The following WDR49 variants were observed in gnomAD, a reference collection of about 807,000 sequenced individuals.
WDR49 encodes the protein cilia- and flagella-associated protein 337.
In WDR49, 107 loss-of-function variants were observed where a neutral mutation model predicts 119.5. The ratio of observed to expected loss-of-function variants is 0.90; its 90% confidence interval spans 0.77 to 1.05. WDR49 has a LOEUF of 1.05. Ranked by LOEUF, WDR49 falls within the 50% of genes least tolerant of loss-of-function variation. WDR49 has a pLI of 0.00. For missense variants in WDR49, 1,240 were observed against 1,220.5 expected (o/e 1.02, Z -0.24); for synonymous variants, 425 against 418.8 (o/e 1.01, Z -0.18).
intron 18 of WDR49, among the ~76,000 whole-genome samples, chr3:167,483,294 G>A (rs1215172630): frequency 6.6e-6 from 1 of 152,130 alleles, no homozygotes; most frequent in Admixed American, 6.5e-5. Context: ...GAATGCCTTT[G>A]AGCCCTTCTG....
intron 2 of WDR49, among the ~76,000 whole-genome samples, chr3:167,634,800 T>G (rs960371623): frequency 1.3e-5 from 2 of 151,856 alleles, no homozygotes; most frequent in East Asian, 3.9e-4. Context: ...CACAAAAGAA[T>G]CCATGCTTAT....
intron 2 of WDR49, among the ~76,000 whole-genome samples, chr3:167,644,056 C>A (rs1437035876): frequency 7.4e-6 from 1 of 134,422 alleles, no homozygotes; most frequent in Non-Finnish European, 1.6e-5. Flanking sequence ...CCAATCCCCA[C>A]CTTTTTTTTT....
At chr3:167,524,839 T>C (rs1255849064) in intron 15 of WDR49, among the ~76,000 whole-genome samples, 1 of 152,184 alleles carries the variant, frequency 6.6e-6, no homozygotes. Context: ...TCAGGTAGCA[T>C]GATGTCTCCA....
intron 2 of WDR49, among the ~76,000 whole-genome samples, chr3:167,641,290 G>T (rs530873891): frequency 6.6e-6 from 1 of 151,982 alleles, no homozygotes; most frequent in South Asian, 2.1e-4. Context: ...AAGAACATTT[G>T]CTTTCCTTGG....
rs190320744 is a variant in WDR49 at position 167,636,501 on chromosome 3, A to G, written c.166-9209T>C. ...TATAATGACTTCTTTTCCTCTGGGTAGATATCCAGTAGTGGGATTGCTGGA... is the reference window on the plus strand; with the variant it reads ...TATAATGACTTCTTTTCCTCTGGGTGGATATCCAGTAGTGGGATTGCTGGA... On this transcript the variant is annotated intron_variant, in intron 2 of 18. Coordinates refer to ENST00000682715, the MANE Select transcript of WDR49 (RefSeq NM_001366157.1). 2.2e-3 allele frequency among the ~76,000 whole-genome samples: 341 copies of G among 151,862 alleles called. 1 individual carries two copies. The highest frequency in any genetic ancestry group is 7.7e-3 in the African/African-American group (320 of 41,496).
At chr3:167,488,869 T>C (rs1577192141) in intron 18 of WDR49, among the ~76,000 whole-genome samples, 1 of 152,108 alleles carries the variant, frequency 6.6e-6, no homozygotes, top group Non-Finnish European at 1.5e-5. Flanking sequence ...AATGGTGACC[T>C]CTTTTCTGTC....
At chr3:167,482,634 G>A (rs1032558990) in intron 18 of WDR49, among the ~76,000 whole-genome samples, 7 of 150,168 alleles carry the variant, frequency 4.7e-5, no homozygotes, top group Middle Eastern at 3.5e-3. Flanking sequence ...AGTTGAGATC[G>A]TGCCATTGCA....
intron 2 of WDR49, among the ~76,000 whole-genome samples, chr3:167,643,296 G>A (rs1717967221): frequency 6.6e-6 from 1 of 152,026 alleles, no homozygotes; most frequent in Admixed American, 6.6e-5. Flanking sequence ...TACAAGAGGT[G>A]GAGATAACTA....
At chr3:167,482,167 A>T (rs560735275) in intron 18 of WDR49, among the ~76,000 whole-genome samples, 17 of 152,296 alleles carry the variant, frequency 1.1e-4, no homozygotes, top group African/African-American at 3.8e-4. Flanking sequence ...AAAAGGAGAA[A>T]AGTATCTTGC....
rs759426749 is a variant in WDR49, at chr3:167,560,085, G to T, written c.1653C>A (p.Gly551=). The part of the protein sequence containing the change: ...LDANETRLLT[G]STDGTVKIWD... ...GCACCTTTACAGTCCCATCTGTGCT[G>T]CCAGTCAAAAGCCGAGTCTCATTTG... Residue 551 remains glycine (G), a synonymous_variant, in exon 9 of 19, where the codon GGC becomes GGA. Transcript: ENST00000682715. 6.2e-7 allele frequency: 1 copy of T among 1,614,066 alleles called. No homozygotes were observed. The highest frequency in any genetic ancestry group is 8.5e-7 in the Non-Finnish European group (1 of 1,179,998).
chr3:167,647,170 A>T (rs1382125941), intron 2 of WDR49, among the ~76,000 whole-genome samples: 2 of 152,164 alleles, frequency 1.3e-5, no homozygotes, highest in South Asian at 2.1e-4. Context: ...AAGCTGATGC[A>T]CTACACATGA....
At chr3:167,620,739 G>T in intron 4 of WDR49, 136 bp from the exon 5 acceptor site, 3 of 809,184 alleles carry the variant, frequency 3.7e-6, no homozygotes, top group Non-Finnish European at 5.3e-6. Context: ...AGGATGCAGG[G>T]TGTTATACTA....
chr3:167,556,216 A>G (rs1240250152), intron 9 of WDR49, among the ~76,000 whole-genome samples: 1 of 152,220 alleles, frequency 6.6e-6, no homozygotes, highest in Non-Finnish European at 1.5e-5. Context: ...TCATGAAGAA[A>G]ACGATTTTGG....
intron 7 of WDR49, among the ~76,000 whole-genome samples, chr3:167,576,929 A>G (rs1198390335): frequency 2.0e-5 from 3 of 152,038 alleles, no homozygotes; most frequent in Non-Finnish European, 4.4e-5. Flanking sequence ...ATATGTGTGG[A>G]TAGATATATA....
intron 10 of WDR49, among the ~76,000 whole-genome samples, chr3:167,545,225 G>C (rs1712103120): frequency 6.6e-6 from 1 of 151,666 alleles, no homozygotes; most frequent in Non-Finnish European, 1.5e-5. Context: ...TGGTGAAAAG[G>C]CAGCCCTTTT....
intron 2 of WDR49, among the ~76,000 whole-genome samples, chr3:167,644,378 C>T (rs927450298): frequency 6.6e-6 from 1 of 152,068 alleles, no homozygotes; most frequent in Admixed American, 6.6e-5. Context: ...TGCCCCACTA[C>T]AATCACAGTT....
intron 16 of WDR49, among the ~76,000 whole-genome samples, chr3:167,512,575 C>T (rs181683338): frequency 1.3e-5 from 2 of 152,102 alleles, no homozygotes; most frequent in Non-Finnish European, 2.9e-5. Flanking sequence ...ATTGTAACAC[C>T]TCTCCAGAAA....
chr3:167,638,833 C>G (rs1243253959), intron 2 of WDR49, among the ~76,000 whole-genome samples: 1 of 151,546 alleles, frequency 6.6e-6, no homozygotes, highest in Non-Finnish European at 1.5e-5. Context: ...CTAACAAAGA[C>G]ACAGACCTTG....
chr3:167,588,746 A>T (rs1714955189), intron 7 of WDR49, among the ~76,000 whole-genome samples: 1 of 152,094 alleles, frequency 6.6e-6, no homozygotes, highest in Non-Finnish European at 1.5e-5. Flanking sequence ...TTTTTGAGAA[A>T]TGTCTGTTCA....
Sources: gnomAD v4.1 joint callset for allele counts (sites outside exome capture counted in the v4.1 genomes callset) on GRCh38, gnomAD v4.1.1 for gene constraint, MANE v1.5 for transcripts, NCBI Gene and HGNC (gene_info 2026-07-23, HGNC 2026-07-21) for gene names.